Variants in CCDC40 observed in about 807,000 individuals in gnomAD.
CCDC40 encodes the protein coiled-coil domain-containing protein 40.
A neutral mutation model predicts 124.5 loss-of-function variants in CCDC40; 104 were observed. The observed-to-expected ratio is 0.84, with a 90% CI of 0.71 to 0.98. The LOEUF (loss-of-function observed/expected upper bound fraction) is 0.98, where lower values mean the gene tolerates loss of function less well. Among genes scored for constraint, CCDC40 ranks in the 50% least tolerant of loss-of-function variants. The pLI is 0.00. For synonymous variants in CCDC40, 580 were observed against 602.9 expected, an observed-to-expected ratio of 0.96 and a Z score of 0.56; for missense variants, 1,463 against 1,503.9, an observed-to-expected ratio of 0.97 and a Z score of 0.45.
chr17:80,090,276 C>A lies in CCDC40; in HGVS notation c.2832+392C>A, dbSNP rs1567813610. 8.5e-6 allele frequency: 10 copies of A among 1,175,250 alleles called. 2 individuals carry two copies. Among genetic ancestry groups the A allele is most frequent in the South Asian group, 6.8e-5 (4 of 58,478 alleles). 72.8% of individuals were successfully genotyped at this position (1,175,250 alleles called of 1,614,324 possible). On this transcript the variant is annotated intron_variant, in intron 17 of 19. Transcript: ENST00000397545. The stretch of plus-strand genomic sequence containing the variant: ...CACGGGACGCGCGCGGGCACGTGCA[C>A]GAACAACACGGGACGCGCGCAGGCA...
At position 80,050,057 on chromosome 17, in the gene CCDC40, G is replaced by T; in HGVS notation, c.940-7G>T. ...TCCTGGTGACCCTGTTTCTCTCTTT[G>T]GTCCAGGTTGTGGCTACCAAGCAGA... On this transcript the variant is annotated splice_polypyrimidine_tract_variant and splice_region_variant and intron_variant, in intron 6 of 19. Coordinates refer to ENST00000397545, the MANE Select transcript of CCDC40 (RefSeq NM_017950.4). 1.2e-6 allele frequency: 2 copies of T among 1,613,860 alleles called. No homozygotes were observed. The highest frequency in any genetic ancestry group is 1.7e-6 in the Non-Finnish European group (2 of 1,179,940).
chr17:80,081,574 G>A lies in CCDC40; in HGVS notation c.1591G>A (p.Asp531Asn), dbSNP rs758243927. ...RGCQHQAKST[D>N]GEIEAYKKSI... Reference sequence around the variant, plus strand: ...ATGCCAGCATCAAGCCAAATCCACCGACGGCGAGATTGAGGCCTATAAGAA... The same window carrying A: ...ATGCCAGCATCAAGCCAAATCCACCAACGGCGAGATTGAGGCCTATAAGAA... Residue 531 changes from aspartate (D) to asparagine (N), a missense_variant, in exon 11 of 20, where the codon GAC (aspartate) becomes AAC (asparagine). Coordinates refer to ENST00000397545, the MANE Select transcript of CCDC40 (RefSeq NM_017950.4). 55 of 1,613,680 alleles carry A rather than the reference G, an allele frequency of 3.4e-5. No individual in the cohort carries two copies. In the East Asian group the frequency reaches 5.6e-4, roughly 16 times the overall value.
In CCDC40 at chr17:80,086,416, G is replaced by A. The variant is rs576088647; in HGVS notation, c.2449+200G>A. On this transcript the variant is annotated intron_variant, in intron 14 of 19. Transcript: ENST00000397545. The surrounding 1 kb of genome is among the most constrained non-coding windows in gnomAD (Gnocchi z 5.5). Reference sequence around the variant, plus strand: ...CAGCTGCCCAGTTCGCAGTCACAGCGGGAGGGTTGAGAAATGTCACGAAAT... The same window carrying A: ...CAGCTGCCCAGTTCGCAGTCACAGCAGGAGGGTTGAGAAATGTCACGAAAT... 5.3e-5 allele frequency: 31 copies of A among 585,206 alleles called. 1 individual carries two copies. In the Admixed American group the frequency reaches 5.8e-4, roughly 11 times the overall value. 36.3% of individuals were successfully genotyped at this position (585,206 alleles called of 1,614,324 possible).
intron 3 of CCDC40, among the ~76,000 whole-genome samples, chr17:80,041,106 G>A (rs1018449182): frequency 6.6e-6 from 1 of 152,138 alleles, no homozygotes; most frequent in Non-Finnish European, 1.5e-5. Context: ...ACAATAAAAA[G>A]GATCTTTTAT....
At chr17:80,050,042 C>A (rs776851678) in intron 6 of CCDC40, 22 bp from the exon 7 acceptor site, 3 of 1,613,748 alleles carry the variant, frequency 1.9e-6, no homozygotes, top group Non-Finnish European at 2.5e-6. Context: ...TCCTGGTGAC[C>A]CTGTTTCTCT....
In CCDC40 at chr17:80,066,071, G is replaced by A. The variant is rs2038038987; in HGVS notation, c.1562+465G>A. On this transcript the variant is annotated intron_variant, in intron 10 of 19. Coordinates refer to ENST00000397545, the MANE Select transcript of CCDC40 (RefSeq NM_017950.4). This position sits in a 1 kb window ranked among gnomAD's most constrained non-coding sequence, Gnocchi z 4.4. ...CCCTCACTTCTGGGGATGGATGCGT[G>A]GCTCAGGGCAGGGCGTTGGAGACAC... The A allele has an allele frequency of 1.4e-6, 1 of 702,802 alleles. No homozygotes were observed. Among genetic ancestry groups the A allele is most frequent in the East Asian group, 2.7e-5 (1 of 37,280 alleles). The allele number at this position is 702,802 out of a possible 1,614,324, so 43.5% of individuals were successfully genotyped here.
At chr17:80,082,300 G>C (rs888848896) in intron 12 of CCDC40, among the ~76,000 whole-genome samples, 1 of 149,970 alleles carries the variant, frequency 6.7e-6, no homozygotes, top group African/African-American at 2.5e-5. Context: ...TTCCCTGGGG[G>C]GACCTGGAGT....
Position 80,097,273 on chromosome 17 carries a change from T to C in CCDC40, c.3050T>C (p.Leu1017Pro), listed in dbSNP as rs771101296. ...KATDECTKTVLELEETQRNVS... is the reference protein window; with the variant it reads ...KATDECTKTVPELEETQRNVS... ...ACCGATGAGTGCACCAAAACCGTCC[T>C]GGAACTGGAAGAAACACAAAGAAAT... The change falls in exon 19 of 20, where the codon CTG becomes CCG. Residue 1017 changes from leucine (L) to proline (P), a missense_variant. Physicochemically the swap from Leu to Pro is moderately conservative, Grantham distance 98. Coordinates refer to ENST00000397545, the MANE Select transcript of CCDC40 (RefSeq NM_017950.4). 1 of 1,613,956 alleles carries C rather than the reference T, an allele frequency of 6.2e-7. No individual in the cohort carries two copies. The highest frequency in any genetic ancestry group is 1.1e-5 in the South Asian group (1 of 91,086).
rs571788603 is a variant in CCDC40, at chr17:80,100,046, G to A, written c.*271G>A. On this transcript the variant is annotated 3_prime_UTR_variant, in exon 20 of 20. Coordinates refer to ENST00000397545, the MANE Select transcript of CCDC40 (RefSeq NM_017950.4). ...ACCCACACACCCACACTCCCACACT[G>A]GGCTTACTCGTCCAGGTAACACTTT... The A allele has an allele frequency of 1.3e-4, 67 of 496,512 alleles. No homozygotes were observed. The highest frequency in any genetic ancestry group is 5.6e-4 in the Middle Eastern group (1 of 1,782). 30.8% of individuals were successfully genotyped at this position (496,512 alleles called of 1,614,324 possible).
intron 2 of CCDC40, 100 bp downstream of exon 2, chr17:80,038,286 T>TG: frequency 5.0e-6 from 4 of 799,818 alleles, no homozygotes; most frequent in Non-Finnish European, 8.5e-6. Flanking sequence ...ATCCCAACAC[T>TG]TTGGGAGGCC....
intron 11 of CCDC40, 37 bp downstream of exon 11, chr17:80,081,826 C>A: frequency 6.2e-7 from 1 of 1,613,930 alleles, no homozygotes; most frequent in Non-Finnish European, 8.5e-7. Context: ...ACACCTGGCG[C>A]ACGGTGGTGC....
At position 80,086,071 on chromosome 17, in the gene CCDC40, C is replaced by T; in HGVS notation, c.2304C>T (p.Gly768=). The change falls in exon 14 of 20, where the codon GGC becomes GGT. Residue 768 remains glycine, a synonymous_variant. Transcript: ENST00000397545. This position sits in a 1 kb window ranked among gnomAD's most constrained non-coding sequence, Gnocchi z 5.5. ...GCAAGCTGATCGACGAGCACGATGG[C>T]AAGGCGGTCCAGGCCCAGGTGACCT... The part of the protein sequence containing the change: ...RLSKLIDEHD[G]KAVQAQVTWL... The T allele has an allele frequency of 6.2e-7, 1 of 1,614,156 alleles. No homozygotes were observed. The highest frequency in any genetic ancestry group is 8.5e-7 in the Non-Finnish European group (1 of 1,180,036).
intron 3 of CCDC40, among the ~76,000 whole-genome samples, chr17:80,043,834 G>A (rs553466942): frequency 6.6e-6 from 1 of 152,008 alleles, no homozygotes; most frequent in Admixed American, 6.6e-5. Flanking sequence ...TTCCATATTT[G>A]TAGCTCCTTT....
At position 80,050,274 on chromosome 17, in the gene CCDC40, C is replaced by A; in HGVS notation, c.1150C>A (p.Arg384Ser). The A allele has an allele frequency of 3.2e-6, 5 of 1,562,168 alleles. No individual in the cohort carries two copies. The highest frequency in any genetic ancestry group is 3.5e-6 in the Non-Finnish European group (4 of 1,154,654). The change falls in exon 7 of 20, where the codon CGC becomes AGC. Residue 384 changes from arginine to serine, a missense_variant. Physicochemically the swap from Arg to Ser is moderately radical, Grantham distance 110. Coordinates refer to ENST00000397545, the MANE Select transcript of CCDC40 (RefSeq NM_017950.4). The stretch of plus-strand genomic sequence containing the variant: ...GACCTGCGCAGCCGCCAACGAGGAG[C>A]GCAAAAAGTGTAAGGCAACCCGGCA... ...TKTCAAANEE[R>S]KKLAALQTEM...
At chr17:80,093,588 C>T (rs1241042877) in intron 17 of CCDC40, among the ~76,000 whole-genome samples, 2 of 151,588 alleles carry the variant, frequency 1.3e-5, no homozygotes, top group African/African-American at 4.9e-5. Context: ...TCTCAGCTCA[C>T]TGCAACCTCT....
Position 80,087,556 on chromosome 17 carries a change from G to A in CCDC40, c.2450-51G>A. On this transcript the variant is annotated intron_variant, in intron 14 of 19. Transcript: ENST00000397545. The surrounding 1 kb of genome is among the most constrained non-coding windows in gnomAD (Gnocchi z 4.5). Reference sequence around the variant, plus strand: ...CTCGGACACTGCTGCCTGCGGGCGAGGACCCGTACCCTCCTGGGGTCTCTC... The same window carrying A: ...CTCGGACACTGCTGCCTGCGGGCGAAGACCCGTACCCTCCTGGGGTCTCTC... 6.5e-7 allele frequency: 1 copy of A among 1,538,060 alleles called. No homozygotes were observed. The highest frequency in any genetic ancestry group is 1.1e-5 in the South Asian group (1 of 89,134).
chr17:80,094,643 C>G (rs2038776043), intron 17 of CCDC40, among the ~76,000 whole-genome samples: 1 of 152,140 alleles, frequency 6.6e-6, no homozygotes, highest in Admixed American at 6.5e-5. Context: ...TGCAGTGAGC[C>G]TAGATGGCTC....
intron 3 of CCDC40, among the ~76,000 whole-genome samples, chr17:80,042,211 C>T (rs1282306971): frequency 2.0e-5 from 3 of 152,086 alleles, no homozygotes; most frequent in Admixed American, 6.6e-5. Flanking sequence ...CTCTGCCTCC[C>T]GGGTTCAAGC....
chr17:80,057,232 C>T (rs996169492), intron 7 of CCDC40, among the ~76,000 whole-genome samples: 8 of 151,698 alleles, frequency 5.3e-5, no homozygotes, highest in Non-Finnish European at 7.4e-5. Flanking sequence ...GGATTACGGA[C>T]GTGCACCAAC....
Sources: allele counts gnomAD v4.1 joint callset (sites outside exome capture counted in the v4.1 genomes callset), GRCh38; gene constraint gnomAD v4.1.1; non-coding constraint Gnocchi (gnomAD v3.1); transcripts MANE v1.5; gene names NCBI Gene and HGNC (gene_info 2026-07-23, HGNC 2026-07-21).